Variants in HEG1 observed in about 807,000 individuals in gnomAD.
HEG1 encodes heart development protein with EGF like domains 1.
In HEG1, 56 loss-of-function variants were observed where a neutral mutation model predicts 125.6. That is an observed-to-expected ratio of 0.45 (90% CI 0.36 to 0.56). The LOEUF is 0.56. HEG1 is among the 20% of genes least tolerant of loss of function. HEG1 has a pLI of 0.00. For synonymous variants in HEG1, 644 were observed against 668.5 expected (o/e 0.96, Z 0.57); for missense variants, 1,523 against 1,670.0 (o/e 0.91, Z 1.53).
chr3:125,005,864 C>T (rs1274529765), intron 8 of HEG1, among the ~76,000 whole-genome samples: 1 of 152,208 alleles, frequency 6.6e-6, no homozygotes, highest in Non-Finnish European at 1.5e-5. Flanking sequence ...CCCACCACTT[C>T]AAGGGGGTGC....
At position 124,970,368 on chromosome 3, in the gene HEG1, A is replaced by G. The variant is rs1936403291; in HGVS notation, c.*284T>C. The G allele has an allele frequency of 5.5e-6, 2 of 365,972 alleles. No homozygotes were observed. Among genetic ancestry groups the G allele is most frequent in the Non-Finnish European group, 1.0e-5 (2 of 200,578 alleles). The allele number at this position is 365,972 out of a possible 1,614,324, so 22.7% of individuals were successfully genotyped here. The stretch of plus-strand genomic sequence containing the variant: ...AGTCTAGTGGTCTGCCCTGGCTAAT[A>G]GTCGCCCTGGTGCCAGTGCCATGGT... On this transcript the variant is annotated 3_prime_UTR_variant, in exon 17 of 17. Coordinates refer to ENST00000311127, the MANE Select transcript of HEG1 (RefSeq NM_020733.2).
intron 1 of HEG1, among the ~76,000 whole-genome samples, chr3:125,040,691 C>T (rs1937587379): frequency 6.8e-6 from 1 of 147,490 alleles, no homozygotes; most frequent in Admixed American, 7.0e-5. Context: ...ATTGTTCACA[C>T]AGGGAGGGGA....
Position 125,020,897 on chromosome 3 carries a change from T to C in HEG1, c.1147A>G (p.Arg383Gly). 6.2e-7 allele frequency: 1 copy of C among 1,614,044 alleles called. No individual in the cohort carries two copies. The highest frequency in any genetic ancestry group is 1.1e-5 in the South Asian group (1 of 91,084). Residue 383 changes from arginine to glycine, a missense_variant, in exon 4 of 17, where the codon AGA becomes GGA. Transcript: ENST00000311127. ...GGATTCCCAGTTACTCTACTGTTTC[T>C]TCTCGATTCCACTGCAGAGGGTGAA... ...LLSPSAVESR[R>G]NSRVTGNPGD...
chr3:125,017,924 G>C (rs1055590195), intron 5 of HEG1, among the ~76,000 whole-genome samples: 1 of 151,988 alleles, frequency 6.6e-6, no homozygotes, highest in East Asian at 1.9e-4. Flanking sequence ...AGCTACTCGG[G>C]AGGCTGAGGC....
At chr3:125,033,828 G>C (rs1937520855) in intron 1 of HEG1, among the ~76,000 whole-genome samples, 1 of 152,192 alleles carries the variant, frequency 6.6e-6, no homozygotes, top group African/African-American at 2.4e-5. Context: ...ATCAGCAGTG[G>C]CATCAGATTC....
intron 3 of HEG1, among the ~76,000 whole-genome samples, chr3:125,025,468 T>A (rs532291749): frequency 1.6e-4 from 24 of 152,148 alleles, no homozygotes; most frequent in African/African-American, 5.6e-4. Context: ...AAAGATACGA[T>A]GAAACTCACC....
chr3:125,009,499 T>C (rs1447328472), intron 8 of HEG1: 2 of 402,994 alleles, frequency 5.0e-6, no homozygotes, highest in African/African-American at 2.0e-5. Flanking sequence ...TGTAAAAATA[T>C]ACTGCACATC....
At position 125,019,148 on chromosome 3, in the gene HEG1, G is replaced by A. The variant is rs1417827596; in HGVS notation, c.1588+114C>T. 19 of 867,082 alleles carry A rather than the reference G, an allele frequency of 2.2e-5. No homozygotes were observed. In the South Asian group the frequency reaches 2.2e-4, roughly 10 times the overall value. The allele number at this position is 867,082 out of a possible 1,614,324, so 53.7% of individuals were successfully genotyped here. ...CTCCCAAAGTGCTGGGATTACAGGC[G>A]TGAGCCACCACGCTAGGCCCTCATG... is the stretch of plus-strand genomic sequence containing the variant. On this transcript the variant is annotated intron_variant, in intron 5 of 16. Transcript: ENST00000311127.
At position 125,021,066 on chromosome 3, in the gene HEG1, T is replaced by C. The variant is rs1937328938; in HGVS notation, c.978A>G (p.Thr326=). ...ACACGGTGGCAACATGCATTGTCTT[T>C]GTTTGACTGACTGAGGAGCTCTGGA... ...TGLQSSSVSQ[T]KTMHVATVFT... Residue 326 remains threonine, a synonymous_variant, in exon 4 of 17, where the codon ACA becomes ACG. Transcript: ENST00000311127. 6.2e-7 allele frequency: 1 copy of C among 1,606,298 alleles called. No individual in the cohort carries two copies. The highest frequency in any genetic ancestry group is 1.7e-5 in the Admixed American group (1 of 58,698).
chr3:125,050,871 C>T (rs1275790931), intron 1 of HEG1, among the ~76,000 whole-genome samples: 1 of 152,228 alleles, frequency 6.6e-6, no homozygotes, highest in Non-Finnish European at 1.5e-5. Context: ...ATAGAAATGT[C>T]TTTGTTTCTG....
chr3:125,024,079 A>G (rs751812562), intron 3 of HEG1, among the ~76,000 whole-genome samples: 12 of 152,226 alleles, frequency 7.9e-5, no homozygotes, highest in Non-Finnish European at 1.8e-4. Flanking sequence ...ACAGTAGCTT[A>G]GCCACCCACA....
chr3:124,995,808 G>A (rs1560019849), intron 12 of HEG1, among the ~76,000 whole-genome samples: 1 of 152,358 alleles, frequency 6.6e-6, no homozygotes, highest in East Asian at 1.9e-4. Flanking sequence ...GCTGGTGCCT[G>A]TGTCAGCACA....
At chr3:125,015,556 AT>A (rs1321239815) in intron 5 of HEG1, among the ~76,000 whole-genome samples, 1 of 152,194 alleles carries the variant, frequency 6.6e-6, no homozygotes, top group East Asian at 1.9e-4. Flanking sequence ...GTCTTCTTTT[AT>A]TTTTTAAAAT....
At chr3:124,995,305 G>GAA (rs79865337) in intron 12 of HEG1, among the ~76,000 whole-genome samples, 1 of 133,774 alleles carries the variant, frequency 7.5e-6, no homozygotes. Flanking sequence ...TCTCTAAAAA[G>GAA]AAAAAAAAAA....
chr3:125,010,629 T>G, intron 6 of HEG1, 74 bp from the exon 7 acceptor site: 1 of 867,020 alleles, frequency 1.2e-6, no homozygotes. Flanking sequence ...AAATATTTAA[T>G]TCTCCCAGCT....
chr3:124,994,196 G>A (rs1936878379), intron 12 of HEG1, among the ~76,000 whole-genome samples: 1 of 152,174 alleles, frequency 6.6e-6, no homozygotes, highest in Non-Finnish European at 1.5e-5. Flanking sequence ...CCTCACATGT[G>A]CAGTTCACAA....
At chr3:125,017,006 A>C (rs890441998) in intron 5 of HEG1, among the ~76,000 whole-genome samples, 1 of 152,198 alleles carries the variant, frequency 6.6e-6, no homozygotes, top group Non-Finnish European at 1.5e-5. Flanking sequence ...AATAGGAGAA[A>C]TGTCTGCAAA....
rs1413478319 is a variant in HEG1 at position 124,967,496 on chromosome 3, T to C, written c.*3156A>G. On this transcript the variant is annotated 3_prime_UTR_variant, in exon 17 of 17. Transcript: ENST00000311127. ...TTTTTTGCATTTCACGTCACTAATT[T>C]GGTTACTTCTTAAAAATAATATTAA... The C allele has an allele frequency of 1.3e-5, 2 of 151,174 alleles. No homozygotes were observed. Among genetic ancestry groups the C allele is most frequent in the Non-Finnish European group, 2.9e-5 (2 of 67,848 alleles). The allele number at this position is 151,174 out of a possible 1,614,324, so 9.4% of individuals were successfully genotyped here. A position where few individuals can be genotyped will look rare whatever the true frequency, so the allele number is the denominator to read the frequency against.
Position 124,973,912 on chromosome 3 carries a change from G to T in HEG1, c.3822-7C>A. On this transcript the variant is annotated splice_polypyrimidine_tract_variant and splice_region_variant and intron_variant, in intron 15 of 16. Coordinates refer to ENST00000311127, the MANE Select transcript of HEG1 (RefSeq NM_020733.2). ...TATGTCATTTTTATTCTTTCTGTGG[G>T]ATACAAAAATATTTGTAAAGCTCAA... 1 of 1,595,946 alleles carries T rather than the reference G, an allele frequency of 6.3e-7. No individual in the cohort carries two copies. Among genetic ancestry groups the T allele is most frequent in the South Asian group, 1.1e-5 (1 of 89,424 alleles).
Sources: gnomAD v4.1 joint callset for allele counts (sites outside exome capture counted in the v4.1 genomes callset) on GRCh38, gnomAD v4.1.1 for gene constraint, MANE v1.5 for transcripts, NCBI Gene and HGNC (gene_info 2026-07-23, HGNC 2026-07-21) for gene names.